N4BP2: variants seen among roughly 807,000 people sequenced by gnomAD.
N4BP2 encodes NEDD4-binding protein 2.
A neutral mutation model predicts 152.8 loss-of-function variants in N4BP2; 91 were observed. The ratio of observed to expected loss-of-function variants is 0.60; its 90% CI spans 0.50 to 0.71. The LOEUF is 0.71. N4BP2 is among the 30% of genes least tolerant of loss of function. The pLI is 0.00. For synonymous variants in N4BP2, 646 were observed against 705.3 expected (o/e 0.92, Z 1.33); for missense variants, 1,923 against 2,059.1 (o/e 0.93, Z 1.28).
At chr4:40,144,960 A>G (rs957250656) in intron 16 of N4BP2, among the ~76,000 whole-genome samples, 160 bp downstream of exon 16, 2 of 152,198 alleles carry the variant, frequency 1.3e-5, no homozygotes, top group Non-Finnish European at 2.9e-5. Flanking sequence ...CCTTCTTGGG[A>G]AAGGATCCTC....
chr4:40,062,281 T>G (rs1002121394), intron 1 of N4BP2, among the ~76,000 whole-genome samples: 1 of 152,048 alleles, frequency 6.6e-6, no homozygotes, highest in African/African-American at 2.4e-5. Context: ...GGTTTCACCG[T>G]GTTAGCCAGG....
chr4:40,073,699 TTCTC>T, intron 2 of N4BP2, 148 bp downstream of exon 2: 1 of 152,300 alleles, frequency 6.6e-6, no homozygotes, highest in South Asian at 2.1e-4. Context: ...GCTCAAGCGA[TTCTC>T]TCACCTCAGC....
the N4BP2 span, among the ~76,000 whole-genome samples, chr4:40,182,920 G>C: frequency 6.6e-6 from 1 of 151,972 alleles, no homozygotes; most frequent in South Asian, 2.1e-4. Flanking sequence ...CAGGTGATCT[G>C]CCCACCTCAG....
At chr4:40,189,562 T>C in the N4BP2 span, among the ~76,000 whole-genome samples, 1 of 152,178 alleles carries the variant, frequency 6.6e-6, no homozygotes, top group Non-Finnish European at 1.5e-5. This position sits in a 1 kb window ranked among gnomAD's most constrained non-coding sequence, Gnocchi z 4.3. Flanking sequence ...TGATGATCAT[T>C]AAACCTACGG....
chr4:40,178,411 G>C, the N4BP2 span, among the ~76,000 whole-genome samples: 11 of 124,486 alleles, frequency 8.8e-5, no homozygotes, highest in African/African-American at 3.2e-4. Context: ...CTACTCCCCC[G>C]CCCCGCCACC....
rs1016430032 is a variant in N4BP2, at chr4:40,155,634, A to G, written c.*1397A>G. On this transcript the variant is annotated 3_prime_UTR_variant, in exon 18 of 18. Coordinates refer to ENST00000261435, the MANE Select transcript of N4BP2 (RefSeq NM_018177.6). ...TTTCCAATATGAGACAATGGCTTAA[A>G]TTTGCCTTTGGAGATGGAGAATATT... 1 of 152,186 alleles carries G rather than the reference A, an allele frequency of 6.6e-6. No homozygotes were observed. The highest frequency in any genetic ancestry group is 1.5e-5 in the Non-Finnish European group (1 of 68,026). 9.4% of individuals were successfully genotyped at this position (152,186 alleles called of 1,614,324 possible). A position where few individuals can be genotyped will look rare whatever the true frequency, so the allele number is the denominator to read the frequency against.
At chr4:40,115,814 A>T (rs1032375126) in intron 7 of N4BP2, among the ~76,000 whole-genome samples, 1 of 152,172 alleles carries the variant, frequency 6.6e-6, no homozygotes, top group African/African-American at 2.4e-5. Context: ...ATAAGAATGT[A>T]CATGATTACA....
At position 40,087,831 on chromosome 4, in the gene N4BP2, C is replaced by A. The variant is rs566385744; in HGVS notation, c.-114-9396C>A. On this transcript the variant is annotated intron_variant, in intron 2 of 17. Coordinates refer to ENST00000261435, the MANE Select transcript of N4BP2 (RefSeq NM_018177.6). ...GCTCGATCTCGGCTTACTGCAACCT[C>A]TGTCTCCTGGGTTCTAAGTGATTCT... Among the ~76,000 whole-genome samples, 3 of 151,916 alleles carry A rather than the reference C, an allele frequency of 2.0e-5. No individual in the cohort carries two copies. In the South Asian group the frequency reaches 6.2e-4, roughly 31 times the overall value.
At chr4:40,119,445 C>G (rs1257820268) in intron 8 of N4BP2, among the ~76,000 whole-genome samples, 1 of 152,144 alleles carries the variant, frequency 6.6e-6, no homozygotes, top group Non-Finnish European at 1.5e-5. Flanking sequence ...AATGACATTT[C>G]AAATGAAAGC....
intron 14 of N4BP2, among the ~76,000 whole-genome samples, chr4:40,141,760 G>A (rs548222299): frequency 6.6e-6 from 1 of 152,292 alleles, no homozygotes; most frequent in African/African-American, 2.4e-5. Context: ...AGGTTGTAGC[G>A]AGCCGAGATC....
the N4BP2 span, chr4:40,167,871 A>AT: frequency 6.6e-6 from 1 of 152,214 alleles, no homozygotes; most frequent in Non-Finnish European, 1.5e-5. Flanking sequence ...AAAAGTTACA[A>AT]TTTTTCTCAG....
chr4:40,103,010 C>A lies in N4BP2; in HGVS notation c.1165C>A (p.His389Asn). The A allele has an allele frequency of 1.2e-6, 2 of 1,614,152 alleles. No individual in the cohort carries two copies. Among genetic ancestry groups the A allele is most frequent in the Non-Finnish European group, 1.7e-6 (2 of 1,179,988 alleles). The change falls in exon 4 of 18, where the codon CAC (histidine) becomes AAC (asparagine). Residue 389 changes from histidine to asparagine, a missense_variant. Coordinates refer to ENST00000261435, the MANE Select transcript of N4BP2 (RefSeq NM_018177.6). ...FVAPVVTTAAHWRSVNYTFPP... is the reference protein window; with the variant it reads ...FVAPVVTTAANWRSVNYTFPP... ...AGCTCCTGTTGTAACCACAGCTGCA[C>A]ACTGGAGATCTGTCAACTACACATT...
At chr4:40,060,450 G>A (rs1052738602) in intron 1 of N4BP2, among the ~76,000 whole-genome samples, 1 of 151,964 alleles carries the variant, frequency 6.6e-6, no homozygotes. Context: ...ACACCTTGTT[G>A]GTCAGGCTGG....
chr4:40,129,258 G>A (rs1031052105), intron 12 of N4BP2, among the ~76,000 whole-genome samples: 1 of 151,472 alleles, frequency 6.6e-6, no homozygotes, highest in Admixed American at 6.6e-5. Context: ...ACAGAGTCTC[G>A]CTGTGTTGCC....
intron 1 of N4BP2, among the ~76,000 whole-genome samples, chr4:40,058,034 A>T (rs1013206330): frequency 1.3e-5 from 2 of 152,332 alleles, no homozygotes; most frequent in Middle Eastern, 3.4e-3. Context: ...GCTTGCCTGG[A>T]GACTGGTTAA....
At chr4:40,092,092 T>C (rs1714663721) in intron 2 of N4BP2, among the ~76,000 whole-genome samples, 1 of 140,614 alleles carries the variant, frequency 7.1e-6, no homozygotes, top group African/African-American at 2.6e-5. Flanking sequence ...TTTGTGTCTG[T>C]AGTCATGAGG....
chr4:40,057,670 A>G (rs1560561046), intron 1 of N4BP2, among the ~76,000 whole-genome samples: 1 of 152,022 alleles, frequency 6.6e-6, no homozygotes, highest in Non-Finnish European at 1.5e-5. Context: ...CCCCTCTCTC[A>G]TCGGGACTCT....
chr4:40,083,852 G>C (rs554476091), intron 2 of N4BP2, among the ~76,000 whole-genome samples: 1 of 152,282 alleles, frequency 6.6e-6, no homozygotes, highest in Non-Finnish European at 1.5e-5. Context: ...AATAAAGCTG[G>C]TATAAGTAGA....
At chr4:40,178,411 G>A in the N4BP2 span, among the ~76,000 whole-genome samples, 12 of 124,484 alleles carry the variant, frequency 9.6e-5, no homozygotes, top group Non-Finnish European at 1.6e-4. Flanking sequence ...CTACTCCCCC[G>A]CCCCGCCACC....
Sources: gnomAD v4.1 joint callset for allele counts (sites outside exome capture counted in the v4.1 genomes callset) on GRCh38, gnomAD v4.1.1 for gene constraint, Gnocchi (gnomAD v3.1) non-coding constraint, MANE v1.5 for transcripts, NCBI Gene and HGNC (gene_info 2026-07-23, HGNC 2026-07-21) for gene names.